Variants in CRTC3 observed in about 807,000 individuals in gnomAD.
CRTC3 encodes CREB regulated transcription coactivator 3.
Under a neutral mutation model 74.5 loss-of-function variants are expected in CRTC3, and 26 were observed. That is an observed-to-expected ratio of 0.35 (90% CI 0.26 to 0.48). The LOEUF (loss-of-function observed/expected upper bound fraction) is 0.48, where lower values mean the gene tolerates loss of function less well. Ranked by LOEUF, CRTC3 falls within the 20% of genes least tolerant of loss-of-function variation. The pLI is 0.99. For missense variants in CRTC3, 760 were observed against 787.3 expected (o/e 0.97, Z 0.41); for synonymous variants, 377 against 325.8 (o/e 1.16, Z -1.69).
At chr15:90,593,310 T>G (rs1231653221) in intron 2 of CRTC3, among the ~76,000 whole-genome samples, 1 of 152,216 alleles carries the variant, frequency 6.6e-6, no homozygotes, top group African/African-American at 2.4e-5. Flanking sequence ...ATACCTCTTT[T>G]ACATTTCAAA....
chr15:90,552,530 A>G (rs1266566910), intron 2 of CRTC3, among the ~76,000 whole-genome samples: 7 of 128,528 alleles, frequency 5.4e-5, no homozygotes, highest in African/African-American at 1.9e-4. Context: ...TGACTTGTGG[A>G]AACTCTGCTT....
chr15:90,557,063 G>A (rs529617228), intron 2 of CRTC3, among the ~76,000 whole-genome samples: 70 of 150,358 alleles, frequency 4.7e-4, no homozygotes, highest in Non-Finnish European at 8.7e-4. Context: ...TTCTACAGAT[G>A]TTTGCCCCTT....
intron 7 of CRTC3, among the ~76,000 whole-genome samples, chr15:90,617,586 G>C (rs1391733862): frequency 6.6e-6 from 1 of 152,130 alleles, no homozygotes; most frequent in Non-Finnish European, 1.5e-5. Flanking sequence ...CTGGAGTGCA[G>C]TGGCACCGTC....
chr15:90,540,356 A>G (rs1966783123), intron 2 of CRTC3, among the ~76,000 whole-genome samples: 1 of 152,256 alleles, frequency 6.6e-6, no homozygotes, highest in Non-Finnish European at 1.5e-5. Flanking sequence ...GAATTATAAC[A>G]CAAGCATATG....
chr15:90,547,532 G>A (rs891210626), intron 2 of CRTC3, among the ~76,000 whole-genome samples: 21 of 152,122 alleles, frequency 1.4e-4, no homozygotes, highest in African/African-American at 4.6e-4. Flanking sequence ...CTTATGCAAA[G>A]AACGTAGACT....
intron 2 of CRTC3, among the ~76,000 whole-genome samples, chr15:90,581,467 A>G (rs995320821): frequency 6.6e-6 from 1 of 152,140 alleles, no homozygotes; most frequent in African/African-American, 2.4e-5. Context: ...AAAGTTATCA[A>G]CAGTGTGAAA....
Position 90,642,364 on chromosome 15 carries a change from C to A in CRTC3, c.*224C>A. The A allele has an allele frequency of 1.8e-6, 1 of 564,510 alleles. No individual in the cohort carries two copies. The highest frequency in any genetic ancestry group is 3.2e-6 in the Non-Finnish European group (1 of 314,890). The allele number at this position is 564,510 out of a possible 1,614,324, so 35.0% of individuals were successfully genotyped here. A position where few individuals can be genotyped will look rare whatever the true frequency, so the allele number is the denominator to read the frequency against. On this transcript the variant is annotated 3_prime_UTR_variant, in exon 15 of 15. Transcript: ENST00000268184. Reference sequence around the variant, plus strand: ...GCCTGTGGCCAAAGTCGTGTTGCAGCAGGCAGGCTGCTTGGAGCTTCCCAT... The same window carrying A: ...GCCTGTGGCCAAAGTCGTGTTGCAGAAGGCAGGCTGCTTGGAGCTTCCCAT...
chr15:90,604,293 G>A, intron 4 of CRTC3, 92 bp from the exon 5 acceptor site: 1 of 918,152 alleles, frequency 1.1e-6, no homozygotes, highest in Non-Finnish European at 1.8e-6. Flanking sequence ...GAGGTGAGTA[G>A]AAGAGCCAGT....
At position 90,614,507 on chromosome 15, in the gene CRTC3, TA is replaced by T; in HGVS notation, c.613+20del. ...GGGGAAGGTATGAACTGATTTTACCTACCTATATTGGAGTGGGATGCTGATT... is the reference window on the plus strand; with the variant it reads ...GGGGAAGGTATGAACTGATTTTACCTCCTATATTGGAGTGGGATGCTGATT... On this transcript the variant is annotated intron_variant, in intron 7 of 14. Coordinates refer to ENST00000268184, the MANE Select transcript of CRTC3 (RefSeq NM_022769.5). 6.4e-7 allele frequency: 1 copy of T among 1,552,546 alleles called. No homozygotes were observed. Among genetic ancestry groups the T allele is most frequent in the Non-Finnish European group, 8.9e-7 (1 of 1,124,440 alleles).
intron 2 of CRTC3, 42 bp downstream of exon 2, chr15:90,540,179 A>G (rs772117713): frequency 1.4e-5 from 18 of 1,296,252 alleles, no homozygotes; most frequent in Non-Finnish European, 1.9e-5. Flanking sequence ...AATGGAGTGT[A>G]AAAAATAGAC....
intron 11 of CRTC3, among the ~76,000 whole-genome samples, chr15:90,630,413 G>A (rs537444744): frequency 4.1e-4 from 63 of 152,300 alleles, no homozygotes; most frequent in African/African-American, 1.3e-3. Flanking sequence ...AAAGAAGTCT[G>A]TTGAGAAAGA....
At chr15:90,533,085 A>G (rs1295480973) in intron 1 of CRTC3, among the ~76,000 whole-genome samples, 15 of 6,780 alleles carry the variant, frequency 2.2e-3, no homozygotes, top group Middle Eastern at 0.062. Context: ...ACTTCATCTC[A>G]AAAAAAAAAA....
intron 13 of CRTC3, 56 bp from the exon 14 acceptor site, chr15:90,641,041 C>G: frequency 8.6e-7 from 1 of 1,158,608 alleles, no homozygotes; most frequent in Non-Finnish European, 1.3e-6. Flanking sequence ...GCAATACTCA[C>G]TTCCTCCTTG....
chr15:90,640,368 C>T (rs1253083544), intron 13 of CRTC3, among the ~76,000 whole-genome samples: 1 of 152,138 alleles, frequency 6.6e-6, no homozygotes, highest in African/African-American at 2.4e-5. Context: ...AAAGGAAAGC[C>T]TTCCCCTTTC....
At chr15:90,593,239 T>G (rs1358853790) in intron 2 of CRTC3, among the ~76,000 whole-genome samples, 3 of 152,226 alleles carry the variant, frequency 2.0e-5, no homozygotes, top group African/African-American at 7.2e-5. Context: ...AATCAAAAAT[T>G]TTAAAAGACA....
chr15:90,592,228 A>G (rs1026382861), intron 2 of CRTC3, among the ~76,000 whole-genome samples: 1 of 152,224 alleles, frequency 6.6e-6, no homozygotes, highest in Non-Finnish European at 1.5e-5. Flanking sequence ...ATGTGACTCA[A>G]TTGACGTAAA....
At chr15:90,556,227 T>C (rs1356930303) in intron 2 of CRTC3, among the ~76,000 whole-genome samples, 1 of 152,202 alleles carries the variant, frequency 6.6e-6, no homozygotes, top group East Asian at 1.9e-4. Flanking sequence ...TAGTTGATTC[T>C]GATTTTTTTA....
chr15:90,581,158 G>A (rs968490960), intron 2 of CRTC3, among the ~76,000 whole-genome samples: 1 of 152,180 alleles, frequency 6.6e-6, no homozygotes, highest in Non-Finnish European at 1.5e-5. Flanking sequence ...ATGCTGTCTG[G>A]TTGCATTGGC....
chr15:90,545,945 A>G lies in CRTC3; in HGVS notation c.231+5808A>G, dbSNP rs2151059025. Among the ~76,000 whole-genome samples the G allele has an allele frequency of 1.3e-5, 2 of 152,186 alleles. 1 individual carries two copies. Among genetic ancestry groups the G allele is most frequent in the South Asian group, 4.1e-4 (2 of 4,824 alleles). ...TGTGAGAGTTGTTTATATATTCTGG[A>G]TACCAGTTCTTTATCAGATATGTAT... On this transcript the variant is annotated intron_variant, in intron 2 of 14. Transcript: ENST00000268184.
Sources: gnomAD v4.1 joint callset for allele counts (sites outside exome capture counted in the v4.1 genomes callset) on GRCh38, gnomAD v4.1.1 for gene constraint, MANE v1.5 for transcripts, NCBI Gene and HGNC (gene_info 2026-07-23, HGNC 2026-07-21) for gene names.